Variants in MAP3K21 observed in about 807,000 individuals in gnomAD.
MAP3K21 encodes the protein mitogen-activated protein kinase kinase kinase MLK4.
A neutral mutation model predicts 86.1 loss-of-function variants in MAP3K21; 63 were observed. The ratio of observed to expected loss-of-function variants is 0.73; its 90% confidence interval spans 0.60 to 0.90. MAP3K21 has a LOEUF of 0.90. Among genes scored for constraint, MAP3K21 ranks in the 40% least tolerant of loss-of-function variants. The probability of loss-of-function intolerance (pLI) is 0.00; values close to 1 mark genes in which losing one functional copy is unlikely to be tolerated. For synonymous variants in MAP3K21, 558 were observed against 564.8 expected (o/e 0.99, Z 0.17); for missense variants, 1,220 against 1,367.7 (o/e 0.89, Z 1.70).
intron 1 of MAP3K21, among the ~76,000 whole-genome samples, chr1:233,332,265 A>G (rs1294306): frequency 0.8 from 121,393 of 152,006 alleles, 48,645 homozygotes; most frequent in East Asian, 0.99. Context: ...AGATTAGAAA[A>G]TGCCATCAAG....
intron 1 of MAP3K21, among the ~76,000 whole-genome samples, chr1:233,334,111 C>T (rs1047504184): frequency 6.6e-6 from 1 of 151,690 alleles, no homozygotes; most frequent in South Asian, 2.1e-4. Context: ...GTGATCCGTC[C>T]GCCTCGGCCG....
At chr1:233,363,358 G>C (rs1663503049) in intron 5 of MAP3K21, among the ~76,000 whole-genome samples, 1 of 152,156 alleles carries the variant, frequency 6.6e-6, no homozygotes, top group African/African-American at 2.4e-5. Context: ...GCAGAATCCT[G>C]TGACTAATTT....
In MAP3K21 at chr1:233,360,894, T is replaced by C. The variant is rs539733861; in HGVS notation, c.1312-1159T>C. ...GTAGGAAATGTTTGCACAGTACTCA[T>C]AGCTCTCAAAGCTCAGAGCCCAACA... is the stretch of plus-strand genomic sequence containing the variant. On this transcript the variant is annotated intron_variant, in intron 4 of 9. Transcript: ENST00000366624. Among the ~76,000 whole-genome samples the C allele has an allele frequency of 5.9e-5, 9 of 152,226 alleles. No homozygotes were observed. In the South Asian group the frequency reaches 6.2e-4, roughly 11 times the overall value.
chr1:233,379,142 A>T lies in MAP3K21; in HGVS notation c.2136A>T (p.Arg712Ser), dbSNP rs375982651. 17 of 1,614,196 alleles carry T rather than the reference A, an allele frequency of 1.1e-5. No individual in the cohort carries two copies. The highest frequency in any genetic ancestry group is 1.6e-4 in the Middle Eastern group (1 of 6,062). The change falls in exon 9 of 10, where the codon AGA (arginine) becomes AGT (serine). Residue 712 changes from arginine to serine, a missense_variant. Physicochemically the swap from Arg to Ser is moderately radical, Grantham distance 110. Around this residue, in one of 5 missense-constraint regions of MAP3K21, gnomAD observed 632 missense variants for 691.3 expected, o/e 0.91. Transcript: ENST00000366624. ...IEMTPTNSLS[R>S]SPQRKKTESA... ...TGACTCCTACGAATAGTCTGAGTAG[A>T]TCCCCCCAGAGAAAGAAAACGGAGT...
chr1:233,384,205 A>G lies in MAP3K21; in HGVS notation c.*1494A>G, dbSNP rs1292570403. Reference sequence around the variant, plus strand: ...ATGTCAGCAATTTAAAATAAATTCAATTGTGTGATAAAATATCTCACCTAT... The same window carrying G: ...ATGTCAGCAATTTAAAATAAATTCAGTTGTGTGATAAAATATCTCACCTAT... On this transcript the variant is annotated 3_prime_UTR_variant, in exon 10 of 10. Coordinates refer to ENST00000366624, the MANE Select transcript of MAP3K21 (RefSeq NM_032435.3). The G allele has an allele frequency of 1.3e-5, 2 of 152,226 alleles. No homozygotes were observed. The highest frequency in any genetic ancestry group is 6.5e-5 in the Admixed American group (1 of 15,288). The allele number at this position is 152,226 out of a possible 1,614,324, so 9.4% of individuals were successfully genotyped here. A position where few individuals can be genotyped will look rare whatever the true frequency, so the allele number is the denominator to read the frequency against.
At chr1:233,339,148 T>G (rs1662968653) in intron 1 of MAP3K21, among the ~76,000 whole-genome samples, 1 of 152,208 alleles carries the variant, frequency 6.6e-6, no homozygotes, top group Non-Finnish European at 1.5e-5. Flanking sequence ...CACTGATAGA[T>G]GAATATTCAA....
At position 233,379,178 on chromosome 1, in the gene MAP3K21, T is replaced by C. The variant is rs1663856363; in HGVS notation, c.2172T>C (p.Tyr724=). ...PQRKKTESAL[Y]GCTVLLASVA... ...GAAAGAAAACGGAGTCAGCTCTGTA[T>C]GGGTGCACCGTCCTTCTGGCATCGG... The change falls in exon 9 of 10, where the codon TAT becomes TAC. Residue 724 remains tyrosine (Y), a synonymous_variant. Coordinates refer to ENST00000366624, the MANE Select transcript of MAP3K21 (RefSeq NM_032435.3). 2 of 1,614,098 alleles carry C rather than the reference T, an allele frequency of 1.2e-6. No individual in the cohort carries two copies. The highest frequency in any genetic ancestry group is 3.3e-5 in the Admixed American group (2 of 60,014).
rs966931110 is a variant in MAP3K21, at chr1:233,381,013, G to A, written c.2705-1292G>A. Among the ~76,000 whole-genome samples the A allele has an allele frequency of 2.6e-5, 4 of 152,292 alleles. No homozygotes were observed. In the South Asian group the frequency reaches 6.2e-4, roughly 24 times the overall value. ...TGGCACTGAAATACTGACATTTGAG[G>A]AGATAATATGGGTACTTTGGAAGAA... On this transcript the variant is annotated intron_variant, in intron 9 of 9. Coordinates refer to ENST00000366624, the MANE Select transcript of MAP3K21 (RefSeq NM_032435.3).
chr1:233,369,560 C>T (rs999273698), intron 5 of MAP3K21, among the ~76,000 whole-genome samples: 2 of 151,832 alleles, frequency 1.3e-5, no homozygotes, highest in African/African-American at 4.8e-5. Context: ...CCCTATGGGC[C>T]CAATCCCGCC....
chr1:233,379,023 C>T lies in MAP3K21; in HGVS notation c.2017C>T (p.Pro673Ser), dbSNP rs1663851982. Residue 673 changes from proline (P) to serine (S), a missense_variant, in exon 9 of 10, where the codon CCT becomes TCT. By Grantham distance (74) the Pro-to-Ser change is moderately conservative (BLOSUM62 -1). Coordinates refer to ENST00000366624, the MANE Select transcript of MAP3K21 (RefSeq NM_032435.3). ...GCCTAGTCAGGCCTACATTGATCTA[C>T]CTCTTGGGAAAGATGCTCAGAGAGA... ...KLPSQAYIDL[P>S]LGKDAQRENP... 4.3e-6 allele frequency: 7 copies of T among 1,614,188 alleles called. No individual in the cohort carries two copies. The East Asian group carries it at 1.3e-4, about 31-fold the overall frequency.
At chr1:233,380,077 T>G (rs997277753) in intron 9 of MAP3K21, among the ~76,000 whole-genome samples, 1 of 152,210 alleles carries the variant, frequency 6.6e-6, no homozygotes, top group Non-Finnish European at 1.5e-5. Flanking sequence ...CCTGCGGGCC[T>G]TGTCTCCTCC....
chr1:233,376,427 T>C lies in MAP3K21; in HGVS notation c.1827-3T>C. On this transcript the variant is annotated splice_polypyrimidine_tract_variant and splice_region_variant and intron_variant, in intron 7 of 9. Transcript: ENST00000366624. ...TATGAAAAGAAACATTTTTCTCTTG[T>C]AGGATAAGACCTCTCTCCGATGGCA... The C allele has an allele frequency of 6.2e-7, 1 of 1,602,406 alleles. No homozygotes were observed.
At chr1:233,348,537 T>G (rs908613402) in intron 2 of MAP3K21, among the ~76,000 whole-genome samples, 2 of 152,294 alleles carry the variant, frequency 1.3e-5, no homozygotes, top group African/African-American at 4.8e-5. Context: ...CATATGGTAA[T>G]TCTGTGTTTA....
In MAP3K21 at chr1:233,362,241, T is replaced by G; in HGVS notation, c.1500T>G (p.Phe500Leu). ...AGGTAAAGAAGAGGAAGGGCAAGTTTAAGAGAAGTCGTTTAAAGCTCAAAG... is the reference window on the plus strand; with the variant it reads ...AGGTAAAGAAGAGGAAGGGCAAGTTGAAGAGAAGTCGTTTAAAGCTCAAAG... The part of the protein sequence containing the change: ...KPKVKKRKGK[F>L]KRSRLKLKDG... Residue 500 changes from phenylalanine (F) to leucine (L), a missense_variant, in exon 5 of 10, where the codon TTT becomes TTG. Physicochemically the swap from Phe to Leu is conservative, Grantham distance 22 (BLOSUM62 0). Coordinates refer to ENST00000366624, the MANE Select transcript of MAP3K21 (RefSeq NM_032435.3). The G allele has an allele frequency of 6.2e-7, 1 of 1,614,260 alleles. No homozygotes were observed. Among genetic ancestry groups the G allele is most frequent in the Non-Finnish European group, 8.5e-7 (1 of 1,180,042 alleles).
intron 2 of MAP3K21, 143 bp downstream of exon 2, chr1:233,346,765 A>G: frequency 1.4e-6 from 1 of 716,758 alleles, no homozygotes. Context: ...AAATAATTGT[A>G]ATGACAACGG....
Position 233,339,698 on chromosome 1 carries a change from G to T in MAP3K21, c.806-6744G>T, listed in dbSNP as rs116993820. ...TGGTTCTCACTGTATTGCCCAGATT[G>T]GTCTTGAACTCCTGGGCTCAAGTGA... On this transcript the variant is annotated intron_variant, in intron 1 of 9. Transcript: ENST00000366624. 6.0e-3 allele frequency among the ~76,000 whole-genome samples: 904 copies of T among 151,842 alleles called. 20 individuals are homozygous for T. In the East Asian group the frequency reaches 0.063, roughly 11 times the overall value.
intron 1 of MAP3K21, among the ~76,000 whole-genome samples, chr1:233,330,994 C>T (rs1188373285): frequency 6.6e-6 from 1 of 151,952 alleles, no homozygotes; most frequent in Admixed American, 6.6e-5. Context: ...GTTTAAAGAA[C>T]TCCTAATATT....
chr1:233,351,982 G>A (rs534343344), intron 2 of MAP3K21, among the ~76,000 whole-genome samples: 2 of 152,172 alleles, frequency 1.3e-5, no homozygotes, highest in East Asian at 3.9e-4. Flanking sequence ...TCATCCACAC[G>A]GGCCCAAGTG....
chr1:233,375,205 C>T (rs1161121991), intron 6 of MAP3K21, among the ~76,000 whole-genome samples: 1 of 151,890 alleles, frequency 6.6e-6, no homozygotes. Context: ...GCCTCCCAAA[C>T]TGCTGGGATT....
Sources: gnomAD v4.1 joint callset for allele counts (sites outside exome capture counted in the v4.1 genomes callset) on GRCh38, gnomAD v4.1.1 for gene constraint, gnomAD v4.1.1 regional missense constraint, MANE v1.5 for transcripts, NCBI Gene and HGNC (gene_info 2026-07-23, HGNC 2026-07-21) for gene names.